Variants in PACRG observed in about 807,000 individuals in gnomAD.
The protein encoded by PACRG is parkin coregulated.
A neutral mutation model predicts 29.7 loss-of-function variants in PACRG; 29 were observed. That is an observed-to-expected ratio of 0.98 (90% confidence interval 0.73 to 1.33). The LOEUF (loss-of-function observed/expected upper bound fraction) is 1.33. Among genes scored for constraint, PACRG ranks in the 40% most tolerant of loss-of-function variants. The pLI, the probability that PACRG is intolerant of heterozygous loss-of-function variation, is 0.00. For synonymous variants in PACRG, 116 were observed against 118.7 expected (o/e 0.98, Z 0.15); for missense variants, 279 against 316.2 (o/e 0.88, Z 0.89).
chr6:162,825,756 G>A (rs929082530), intron 2 of PACRG, among the ~76,000 whole-genome samples: 5 of 152,084 alleles, frequency 3.3e-5, no homozygotes, highest in Non-Finnish European at 4.4e-5. Context: ...GAAGGCACCC[G>A]TGTGCTGTGC....
intron 4 of PACRG, among the ~76,000 whole-genome samples, chr6:163,221,668 C>T (rs1349482111): frequency 6.6e-6 from 1 of 152,154 alleles, no homozygotes; most frequent in Non-Finnish European, 1.5e-5. Flanking sequence ...AATAATATTC[C>T]AAAGAATGCC....
At chr6:163,137,085 G>A (rs1816966512) in intron 4 of PACRG, among the ~76,000 whole-genome samples, 1 of 152,162 alleles carries the variant, frequency 6.6e-6, no homozygotes, top group South Asian at 2.1e-4. Context: ...TTTTGTGATA[G>A]CTTTGCAACT....
intron 2 of PACRG, among the ~76,000 whole-genome samples, chr6:162,821,518 A>C (rs895732629): frequency 8.5e-5 from 13 of 152,270 alleles, no homozygotes; most frequent in Admixed American, 8.5e-4. Flanking sequence ...GACGACCACC[A>C]GGGTTGAAAA....
intron 2 of PACRG, among the ~76,000 whole-genome samples, chr6:163,006,110 T>C (rs1805073024): frequency 7.0e-6 from 1 of 141,962 alleles, no homozygotes; most frequent in South Asian, 2.1e-4. Flanking sequence ...ATATAATATA[T>C]AGAAACAAAA....
chr6:162,902,559 C>G (rs1795635458), intron 2 of PACRG, among the ~76,000 whole-genome samples: 1 of 152,162 alleles, frequency 6.6e-6, no homozygotes, highest in African/African-American at 2.4e-5. Flanking sequence ...ATTATCCCAT[C>G]TTATTAAAAC....
chr6:162,776,644 C>A (rs1316544456), intron 1 of PACRG, among the ~76,000 whole-genome samples: 2 of 152,202 alleles, frequency 1.3e-5, no homozygotes, highest in Non-Finnish European at 2.9e-5. Context: ...GTGGCTGATA[C>A]TGGGTCTCCT....
chr6:162,978,518 T>C (rs1802147937), intron 2 of PACRG, among the ~76,000 whole-genome samples: 1 of 152,094 alleles, frequency 6.6e-6, no homozygotes, highest in South Asian at 2.1e-4. Flanking sequence ...TAATTCTATA[T>C]GGTGTGAGGA....
At chr6:163,030,284 C>T (rs2128227498) in intron 2 of PACRG, among the ~76,000 whole-genome samples, 1 of 152,276 alleles carries the variant, frequency 6.6e-6, no homozygotes, top group African/African-American at 2.4e-5. Flanking sequence ...ATGATACATA[C>T]ATATGCATAC....
chr6:163,208,290 CTTCTT>C (rs1018000092), intron 4 of PACRG, among the ~76,000 whole-genome samples: 3 of 131,884 alleles, frequency 2.3e-5, no homozygotes, highest in African/African-American at 6.1e-5. Flanking sequence ...TCTTTTTTCT[CTTCTT>C]TTCTTGTCCT....
chr6:163,182,539 G>A (rs1243552012), intron 4 of PACRG: 1 of 152,054 alleles, frequency 6.6e-6, no homozygotes, highest in African/African-American at 2.4e-5. Context: ...TGCTTCATGT[G>A]GTATCTTTCT....
At chr6:163,152,288 G>T (rs1778125512) in intron 4 of PACRG, among the ~76,000 whole-genome samples, 2 of 152,162 alleles carry the variant, frequency 1.3e-5, no homozygotes, top group Admixed American at 6.5e-5. Flanking sequence ...AGAATAAAAT[G>T]CTTCTATGGT....
intron 4 of PACRG, among the ~76,000 whole-genome samples, chr6:163,119,730 A>G (rs1468011295): frequency 6.6e-6 from 1 of 152,206 alleles, no homozygotes; most frequent in African/African-American, 2.4e-5. Context: ...CACTTCTTGT[A>G]ACATCTTAAT....
At position 163,269,795 on chromosome 6, in the gene PACRG, AG is replaced by A. The variant is rs1562349203; in HGVS notation, c.614-45030del. Among the ~76,000 whole-genome samples, 418 of 107,996 alleles carry A rather than the reference AG, an allele frequency of 3.9e-3. 45 individuals are homozygous for A. The highest frequency in any genetic ancestry group is 0.015 in the African/African-American group (402 of 26,052). 70.8% of individuals were successfully genotyped at this position (107,996 alleles called of 152,430 possible). A position where few individuals can be genotyped will look rare whatever the true frequency, so the allele number is the denominator to read the frequency against. ...CAGACAGACAGACAGAAAGAAAGAA[AG>A]GAAGGAAGGAAGGAAGGAAGGAAGG... On this transcript the variant is annotated intron_variant, in intron 4 of 4. Coordinates refer to ENST00000366888, the MANE Select transcript of PACRG (RefSeq NM_001080379.2).
chr6:162,738,503 T>G (rs769084276), intron 1 of PACRG, among the ~76,000 whole-genome samples: 3 of 152,192 alleles, frequency 2.0e-5, no homozygotes, highest in Non-Finnish European at 2.9e-5. Flanking sequence ...GTGTCATAGA[T>G]TATACCTGTT....
At chr6:163,031,201 A>G (rs910730067) in intron 2 of PACRG, among the ~76,000 whole-genome samples, 1 of 152,228 alleles carries the variant, frequency 6.6e-6, no homozygotes, top group Non-Finnish European at 1.5e-5. Flanking sequence ...TTCTTACTCA[A>G]AGAGTACAGC....
chr6:162,887,471 T>C (rs547421891), intron 2 of PACRG, among the ~76,000 whole-genome samples: 22 of 152,312 alleles, frequency 1.4e-4, no homozygotes, highest in Non-Finnish European at 2.6e-4. Flanking sequence ...CCTTGGTTCA[T>C]GTGACCACAG....
chr6:162,750,528 C>T (rs993416685), intron 1 of PACRG, among the ~76,000 whole-genome samples: 1 of 152,164 alleles, frequency 6.6e-6, no homozygotes, highest in Non-Finnish European at 1.5e-5. Flanking sequence ...CTAGACTAGG[C>T]ATTTGTAATT....
chr6:162,753,179 G>A (rs777761474), intron 1 of PACRG, among the ~76,000 whole-genome samples: 8 of 151,944 alleles, frequency 5.3e-5, no homozygotes, highest in Non-Finnish European at 1.2e-4. Flanking sequence ...CTGCTGTGCA[G>A]TAGATCTCAA....
At position 162,728,269 on chromosome 6, in the gene PACRG, A is replaced by T. The variant is rs762793328; in HGVS notation, c.34A>T (p.Lys12Ter). 1 of 1,614,012 alleles carries T rather than the reference A, an allele frequency of 6.2e-7. No homozygotes were observed. The highest frequency in any genetic ancestry group is 1.1e-5 in the South Asian group (1 of 91,090). ...VAEKETLSLN[K>*]CPDKMPKRTK... Reference sequence around the variant, plus strand: ...AGAAAAAGAGACCCTGAGCTTAAACAAATGCCCAGACAAGATGCCGAAGAG... The same window carrying T: ...AGAAAAAGAGACCCTGAGCTTAAACTAATGCCCAGACAAGATGCCGAAGAG... Residue 12 changes from lysine to a stop codon, truncating the protein, a stop_gained, in exon 1 of 5, where the codon AAA becomes TAA. Transcript: ENST00000366888. LOFTEE classifies it high-confidence loss of function.
Sources: allele counts gnomAD v4.1 joint callset (sites outside exome capture counted in the v4.1 genomes callset), GRCh38; gene constraint gnomAD v4.1.1; transcripts MANE v1.5; gene names NCBI Gene and HGNC (gene_info 2026-07-23, HGNC 2026-07-21).